SDK1: variants seen among roughly 807,000 people sequenced by gnomAD.
SDK1 encodes protein sidekick-1.
Under a neutral mutation model 245.5 loss-of-function variants are expected in SDK1, and 157 were observed. The ratio of observed to expected loss-of-function variants is 0.64; its 90% CI spans 0.56 to 0.73. The LOEUF is 0.73. SDK1 is among the 30% of genes least tolerant of loss of function. The pLI is 0.00. For missense variants in SDK1, 3,583 were observed against 3,002.3 expected, an observed-to-expected ratio of 1.19 and a Z score of -4.52; for synonymous variants, 1,647 against 1,278.5, an observed-to-expected ratio of 1.29 and a Z score of -6.15.
intron 4 of SDK1, among the ~76,000 whole-genome samples, chr7:3,786,395 C>G (rs1387069344): frequency 2.0e-5 from 3 of 152,188 alleles, no homozygotes; most frequent in African/African-American, 7.2e-5. Flanking sequence ...CATTTTGTAG[C>G]TTTTCTCCTC....
At chr7:4,000,393 G>A (rs1377164480) in intron 14 of SDK1, among the ~76,000 whole-genome samples, 1 of 152,116 alleles carries the variant, frequency 6.6e-6, no homozygotes, top group Non-Finnish European at 1.5e-5. Context: ...TCAGCTGCTG[G>A]GCCAAGACTA....
At chr7:3,373,807 C>T (rs573991376) in intron 1 of SDK1, among the ~76,000 whole-genome samples, 1 of 152,224 alleles carries the variant, frequency 6.6e-6, no homozygotes, top group South Asian at 2.1e-4. Flanking sequence ...ATTCAGTGTA[C>T]AAACTTCAGT....
intron 30 of SDK1, among the ~76,000 whole-genome samples, chr7:4,150,881 G>T (rs1780329760): frequency 1.3e-5 from 2 of 152,238 alleles, no homozygotes; most frequent in South Asian, 4.1e-4. Context: ...CCAGGGAGGG[G>T]TGGCCGACCG....
chr7:3,523,387 T>G (rs1783009226), intron 1 of SDK1, among the ~76,000 whole-genome samples: 1 of 152,108 alleles, frequency 6.6e-6, no homozygotes, highest in South Asian at 2.1e-4. Flanking sequence ...GGATGTAGTT[T>G]CCAAAGTAGT....
chr7:3,558,629 A>C (rs968885450), intron 1 of SDK1, among the ~76,000 whole-genome samples: 1 of 152,202 alleles, frequency 6.6e-6, no homozygotes, highest in Non-Finnish European at 1.5e-5. Context: ...GGGGCAATGC[A>C]GACACAGCTG....
At chr7:4,080,566 A>G (rs1562780512) in intron 22 of SDK1, among the ~76,000 whole-genome samples, 2 of 152,200 alleles carry the variant, frequency 1.3e-5, no homozygotes, top group East Asian at 1.9e-4. Context: ...TTAAGCAAAC[A>G]TTTCTGAAAG....
intron 1 of SDK1, among the ~76,000 whole-genome samples, chr7:3,302,747 A>G (rs1779311939): frequency 6.6e-6 from 1 of 152,194 alleles, no homozygotes; most frequent in Admixed American, 6.5e-5. Flanking sequence ...TCCTTTGGTA[A>G]CGTCTTTAAA....
intron 36 of SDK1, among the ~76,000 whole-genome samples, chr7:4,206,655 G>A (rs551916100): frequency 3.9e-4 from 59 of 152,068 alleles, no homozygotes; most frequent in Non-Finnish European, 6.9e-4. Context: ...TCCATGGGGC[G>A]GGAAGCACCT....
intron 39 of SDK1, among the ~76,000 whole-genome samples, chr7:4,220,697 A>C (rs1785101934): frequency 6.6e-6 from 1 of 152,068 alleles, no homozygotes; most frequent in Admixed American, 6.5e-5. Flanking sequence ...GCATTCAGGG[A>C]GTGCTGCTTA....
At chr7:3,731,182 AG>A (rs1245210093) in intron 4 of SDK1, among the ~76,000 whole-genome samples, 2 of 152,196 alleles carry the variant, frequency 1.3e-5, no homozygotes, top group Non-Finnish European at 2.9e-5. Flanking sequence ...GAGCTGGTCA[AG>A]GATGGCCTCC....
chr7:4,201,201 G>A (rs1783860883), intron 35 of SDK1, among the ~76,000 whole-genome samples: 1 of 152,150 alleles, frequency 6.6e-6, no homozygotes, highest in Admixed American at 6.5e-5. Context: ...ACTCTCACTT[G>A]TCCCCACCTG....
chr7:3,530,328 C>T (rs1372438307), intron 1 of SDK1, among the ~76,000 whole-genome samples: 3 of 152,040 alleles, frequency 2.0e-5, no homozygotes, highest in Non-Finnish European at 4.4e-5. Flanking sequence ...TTCCTCCCAC[C>T]CCCCGCATAA....
At chr7:3,580,631 A>G (rs1455364450) in intron 1 of SDK1, among the ~76,000 whole-genome samples, 3 of 152,282 alleles carry the variant, frequency 2.0e-5, no homozygotes, top group Admixed American at 2.0e-4. Context: ...AAATCAACTC[A>G]AGATGGATTA....
intron 5 of SDK1, among the ~76,000 whole-genome samples, chr7:3,850,088 T>C (rs1014778932): frequency 1.3e-5 from 2 of 152,232 alleles, no homozygotes; most frequent in Admixed American, 1.3e-4. Context: ...ACTTACAAGG[T>C]ATTTTCTTCC....
intron 22 of SDK1, among the ~76,000 whole-genome samples, chr7:4,098,667 T>C (rs981543013): frequency 6.6e-6 from 1 of 151,672 alleles, no homozygotes; most frequent in Non-Finnish European, 1.5e-5. Context: ...CTCGGTTTTT[T>C]CTTTTTTTTG....
In SDK1 at chr7:3,947,166, C is replaced by T. The variant is rs563260807; in HGVS notation, c.848-3757C>T. ...ATATACATGAGCATGCATGCATGCA[C>T]ACACACACACACGCTTCTTTATTTC... On this transcript the variant is annotated intron_variant, in intron 5 of 44. Transcript: ENST00000404826. Among the ~76,000 whole-genome samples, 70 of 151,778 alleles carry T rather than the reference C, an allele frequency of 4.6e-4. No individual in the cohort carries two copies. In the South Asian group the frequency reaches 0.015, roughly 31 times the overall value.
At chr7:4,202,356 C>T (rs975295117) in intron 35 of SDK1, among the ~76,000 whole-genome samples, 4 of 152,352 alleles carry the variant, frequency 2.6e-5, no homozygotes, top group East Asian at 1.9e-4. Context: ...TGCCGCCCTC[C>T]GAGTGCCAGC....
At chr7:4,181,931 T>C (rs1782625083) in intron 35 of SDK1, among the ~76,000 whole-genome samples, 1 of 152,116 alleles carries the variant, frequency 6.6e-6, no homozygotes, top group Non-Finnish European at 1.5e-5. Context: ...CTTTTTTTTC[T>C]TTTTTTGAGA....
intron 1 of SDK1, among the ~76,000 whole-genome samples, chr7:3,406,610 C>G (rs1011172196): frequency 1.1e-4 from 16 of 152,118 alleles, no homozygotes; most frequent in Non-Finnish European, 1.8e-4. Context: ...ACTGAAAACA[C>G]TTAGTTTTAT....
Sources: gnomAD v4.1 joint callset for allele counts (sites outside exome capture counted in the v4.1 genomes callset) on GRCh38, gnomAD v4.1.1 for gene constraint, MANE v1.5 for transcripts, NCBI Gene and HGNC (gene_info 2026-07-23, HGNC 2026-07-21) for gene names.